Variants in FRMD4A observed in about 807,000 individuals in gnomAD.
FRMD4A encodes the protein FERM domain-containing protein 4A.
A neutral mutation model predicts 129.1 loss-of-function variants in FRMD4A; 29 were observed. The observed-to-expected ratio is 0.22, with a 90% CI of 0.17 to 0.31. The LOEUF (loss-of-function observed/expected upper bound fraction) is 0.31, where lower values mean the gene tolerates loss of function less well. Ranked by LOEUF, FRMD4A falls within the 10% of genes least tolerant of loss-of-function variation. The probability of loss-of-function intolerance (pLI) is 1.00; values close to 1 mark genes in which losing one functional copy is unlikely to be tolerated. For synonymous variants in FRMD4A, 634 were observed against 571.6 expected (o/e 1.11, Z -1.56); for missense variants, 1,272 against 1,375.8 (o/e 0.92, Z 1.19).
chr10:14,102,818 G>A (rs1837379686), intron 2 of FRMD4A, among the ~76,000 whole-genome samples: 1 of 151,742 alleles, frequency 6.6e-6, no homozygotes, highest in Non-Finnish European at 1.5e-5. Flanking sequence ...GAAGGGCTTG[G>A]GAGTTCTCAT....
intron 4 of FRMD4A, among the ~76,000 whole-genome samples, chr10:13,806,299 G>GA: frequency 6.6e-6 from 1 of 151,160 alleles, no homozygotes; most frequent in Non-Finnish European, 1.5e-5. Flanking sequence ...CCACAATTAA[G>GA]AAAAAAATGA....
chr10:14,210,759 G>T (rs1199616366), intron 2 of FRMD4A, among the ~76,000 whole-genome samples: 1 of 152,112 alleles, frequency 6.6e-6, no homozygotes, highest in Non-Finnish European at 1.5e-5. Context: ...ATGGAGTCTT[G>T]CTCTGTCACC....
Position 13,811,884 on chromosome 10 carries a change from G to T in FRMD4A, c.112-976C>A, listed in dbSNP as rs1185664131. Among the ~76,000 whole-genome samples the T allele has an allele frequency of 1.1e-4, 15 of 134,788 alleles. 1 individual carries two copies. Among genetic ancestry groups the T allele is most frequent in the African/African-American group, 1.6e-4 (6 of 36,398 alleles). 88.4% of individuals were successfully genotyped at this position (134,788 alleles called of 152,430 possible). A position where few individuals can be genotyped will look rare whatever the true frequency, so the allele number is the denominator to read the frequency against. ...AGGAAAGTTATTTCATTATCTGTTG[G>T]TTTTTTTTTTTTTTTTTGAGATGGA... On this transcript the variant is annotated intron_variant, in intron 3 of 24. Transcript: ENST00000357447.
intron 2 of FRMD4A, among the ~76,000 whole-genome samples, chr10:14,224,868 G>A (rs1031598454): frequency 1.9e-4 from 29 of 152,322 alleles, no homozygotes; most frequent in Middle Eastern, 3.4e-3. Flanking sequence ...AACTGATGTA[G>A]AGCAGGTCCA....
intron 9 of FRMD4A, among the ~76,000 whole-genome samples, chr10:13,746,497 G>A (rs1206762729): frequency 2.0e-5 from 3 of 152,152 alleles, no homozygotes; most frequent in Admixed American, 6.5e-5. Context: ...ATGAGCCAGA[G>A]TTCAATGCTG....
intron 2 of FRMD4A, among the ~76,000 whole-genome samples, chr10:13,873,842 A>T (rs188723652): frequency 1.1e-3 from 162 of 151,846 alleles, no homozygotes; most frequent in African/African-American, 3.9e-3. Context: ...CACCGTACCT[A>T]GTCATGACAC....
intron 2 of FRMD4A, among the ~76,000 whole-genome samples, chr10:14,183,538 T>C (rs956845825): frequency 1.3e-5 from 2 of 151,102 alleles, no homozygotes; most frequent in South Asian, 2.1e-4. Flanking sequence ...TTTTTTTTTT[T>C]CAAATCACTC....
intron 2 of FRMD4A, among the ~76,000 whole-genome samples, chr10:14,059,738 T>A (rs74122454): frequency 0.023 from 3,441 of 152,318 alleles, 148 homozygotes; most frequent in African/African-American, 0.078. Flanking sequence ...CGGAAGCTTC[T>A]CACGAGCATC....
intron 2 of FRMD4A, among the ~76,000 whole-genome samples, chr10:14,245,831 G>A (rs1844215073): frequency 6.6e-6 from 1 of 152,116 alleles, no homozygotes; most frequent in African/African-American, 2.4e-5. Context: ...AACCCTCCCA[G>A]TCTGTGGTGC....
intron 4 of FRMD4A, among the ~76,000 whole-genome samples, chr10:13,801,926 C>A (rs1178229444): frequency 1.4e-5 from 2 of 147,144 alleles, no homozygotes; most frequent in East Asian, 2.0e-4. Context: ...CTAAGAGATG[C>A]CTTATAGCTT....
intron 2 of FRMD4A, among the ~76,000 whole-genome samples, chr10:14,102,105 A>G (rs916222011): frequency 2.0e-5 from 3 of 152,366 alleles, no homozygotes; most frequent in Admixed American, 1.3e-4. Context: ...AAAAAGCTAC[A>G]AGAAAAGAAC....
chr10:13,961,933 T>C (rs1247688645), intron 2 of FRMD4A, among the ~76,000 whole-genome samples: 3 of 152,128 alleles, frequency 2.0e-5, no homozygotes, highest in Non-Finnish European at 4.4e-5. Context: ...AAGACATGAA[T>C]GAATGAATGA....
At chr10:14,105,343 A>G (rs1837531791) in intron 2 of FRMD4A, among the ~76,000 whole-genome samples, 1 of 152,182 alleles carries the variant, frequency 6.6e-6, no homozygotes, top group Non-Finnish European at 1.5e-5. Context: ...AGACCAGAAG[A>G]TCACTTGAGC....
At chr10:14,225,035 C>T (rs990094574) in intron 2 of FRMD4A, among the ~76,000 whole-genome samples, 9 of 152,084 alleles carry the variant, frequency 5.9e-5, no homozygotes, top group African/African-American at 2.2e-4. Flanking sequence ...TGCAAGTGTC[C>T]CCCATAGTAA....
At chr10:14,180,617 C>T (rs148559669) in intron 2 of FRMD4A, among the ~76,000 whole-genome samples, 1 of 152,344 alleles carries the variant, frequency 6.6e-6, no homozygotes, top group East Asian at 1.9e-4. Context: ...AAACCAATGC[C>T]TATTACTGTG....
At chr10:13,775,952 A>C (rs1171590720) in intron 6 of FRMD4A, among the ~76,000 whole-genome samples, 1 of 152,232 alleles carries the variant, frequency 6.6e-6, no homozygotes, top group East Asian at 1.9e-4. Context: ...GGGTTGTCTA[A>C]AAAACGAGCT....
intron 2 of FRMD4A, among the ~76,000 whole-genome samples, chr10:14,210,919 G>T (rs1218959843): frequency 6.6e-6 from 1 of 152,108 alleles, no homozygotes; most frequent in Non-Finnish European, 1.5e-5. Flanking sequence ...AGTAGAGATG[G>T]TGTTTCACCG....
At chr10:13,969,479 A>G (rs917081772) in intron 2 of FRMD4A, among the ~76,000 whole-genome samples, 1 of 152,236 alleles carries the variant, frequency 6.6e-6, no homozygotes, top group African/African-American at 2.4e-5. Context: ...CACTCTCTAC[A>G]GTATACTTAC....
At chr10:13,764,619 CT>C (rs533595707) in intron 6 of FRMD4A, among the ~76,000 whole-genome samples, 6 of 152,348 alleles carry the variant, frequency 3.9e-5, no homozygotes, top group Admixed American at 3.9e-4. Context: ...ACAACACTCT[CT>C]CATTATACAT....
Sources: allele counts gnomAD v4.1 joint callset (sites outside exome capture counted in the v4.1 genomes callset), GRCh38; gene constraint gnomAD v4.1.1; transcripts MANE v1.5; gene names NCBI Gene and HGNC (gene_info 2026-07-23, HGNC 2026-07-21).